Variants in TENM2 observed in about 807,000 individuals in gnomAD.
TENM2 encodes the protein teneurin-2.
A neutral mutation model predicts 245.2 loss-of-function variants in TENM2; 52 were observed. The observed-to-expected ratio is 0.21, with a 90% CI of 0.17 to 0.27. The LOEUF is 0.27. TENM2 is among the 10% of genes least tolerant of loss of function. The probability of loss-of-function intolerance (pLI) is 1.00; values close to 1 mark genes in which losing one functional copy is unlikely to be tolerated. For synonymous variants in TENM2, 1,363 were observed against 1,438.9 expected, an observed-to-expected ratio of 0.95 and a Z score of 1.19; for missense variants, 3,046 against 3,666.8, an observed-to-expected ratio of 0.83 and a Z score of 4.37.
chr5:167,597,987 T>G (rs1776340023), intron 2 of TENM2, among the ~76,000 whole-genome samples: 1 of 152,166 alleles, frequency 6.6e-6, no homozygotes, highest in South Asian at 2.1e-4. Context: ...AATAACAGAA[T>G]ACAACACCAT....
At chr5:167,807,492 T>G (rs1446530019) in intron 2 of TENM2, among the ~76,000 whole-genome samples, 1 of 152,108 alleles carries the variant, frequency 6.6e-6, no homozygotes, top group Admixed American at 6.6e-5. Context: ...AAGACACTAG[T>G]CTATGTTAAC....
intron 2 of TENM2, among the ~76,000 whole-genome samples, chr5:167,716,783 C>T (rs893190412): frequency 1.3e-5 from 2 of 151,384 alleles, no homozygotes; most frequent in South Asian, 2.1e-4. Flanking sequence ...TACAGAAATC[C>T]GAAGGGAAAA....
the TENM2 span, among the ~76,000 whole-genome samples, chr5:166,998,731 A>G: frequency 0.099 from 14,999 of 152,266 alleles, 969 homozygotes; most frequent in Middle Eastern, 0.2. Flanking sequence ...TATTAAATAA[A>G]TAAATACATG....
At chr5:167,688,471 C>T (rs1201725549) in intron 2 of TENM2, among the ~76,000 whole-genome samples, 1 of 152,162 alleles carries the variant, frequency 6.6e-6, no homozygotes, top group Non-Finnish European at 1.5e-5. Flanking sequence ...TCATCATCCT[C>T]AAAACACTAG....
intron 2 of TENM2, among the ~76,000 whole-genome samples, chr5:167,578,993 G>T (rs892517640): frequency 2.0e-5 from 3 of 152,150 alleles, no homozygotes; most frequent in African/African-American, 4.8e-5. Flanking sequence ...GGTGGACACG[G>T]TCACCAACAT....
intron 20 of TENM2, among the ~76,000 whole-genome samples, chr5:168,213,824 AAAAAT>A (rs972562593): frequency 6.2e-4 from 94 of 152,186 alleles, no homozygotes; most frequent in African/African-American, 2.1e-3. Context: ...TGTCTCTGAG[AAAAAT>A]AAAATAAAAT....
At chr5:168,019,568 C>G (rs1281003250) in intron 5 of TENM2, among the ~76,000 whole-genome samples, 1 of 152,150 alleles carries the variant, frequency 6.6e-6, no homozygotes, top group African/African-American at 2.4e-5. Flanking sequence ...CATTGATCAG[C>G]CTTTTGCTCG....
the TENM2 span, among the ~76,000 whole-genome samples, chr5:167,229,817 G>A: frequency 1.2e-4 from 18 of 152,324 alleles, no homozygotes; most frequent in Admixed American, 5.9e-4. Context: ...GAATGCTCAC[G>A]TGTAAGTGAT....
chr5:167,895,664 A>G (rs1583303662), intron 3 of TENM2, among the ~76,000 whole-genome samples: 2 of 152,202 alleles, frequency 1.3e-5, no homozygotes, highest in South Asian at 4.1e-4. Context: ...TTAATTCACT[A>G]TGTCTGAGTT....
At chr5:168,253,660 T>G (rs868577199) in intron 27 of TENM2, among the ~76,000 whole-genome samples, 1 of 151,860 alleles carries the variant, frequency 6.6e-6, no homozygotes, top group Non-Finnish European at 1.5e-5. Context: ...CTCCTGACCT[T>G]GTGATTCGCC....
the TENM2 span, among the ~76,000 whole-genome samples, chr5:167,238,694 C>CA: frequency 0.16 from 8,913 of 56,954 alleles, 912 homozygotes; most frequent in African/African-American, 0.33. Flanking sequence ...ACAGGAGATG[C>CA]AAAAAAAAAA....
intron 2 of TENM2, among the ~76,000 whole-genome samples, chr5:167,423,579 C>T (rs1007682403): frequency 4.6e-5 from 7 of 152,162 alleles, no homozygotes; most frequent in South Asian, 2.1e-4. Context: ...CTTCTTGATA[C>T]GTTATAAAGT....
intron 27 of TENM2, among the ~76,000 whole-genome samples, chr5:168,255,954 C>T (rs970678768): frequency 4.6e-5 from 7 of 151,482 alleles, no homozygotes; most frequent in Admixed American, 6.6e-5. Context: ...TACAGGCAGG[C>T]GCCACCATGC....
At chr5:167,028,909 T>C in the TENM2 span, among the ~76,000 whole-genome samples, 1 of 152,090 alleles carries the variant, frequency 6.6e-6, no homozygotes. Flanking sequence ...TTCGAACTTA[T>C]TAGATGAGGA....
At chr5:166,990,793 C>T in the TENM2 span, among the ~76,000 whole-genome samples, 1 of 152,130 alleles carries the variant, frequency 6.6e-6, no homozygotes, top group Non-Finnish European at 1.5e-5. Flanking sequence ...ATTCTAACAA[C>T]AACACTGTGA....
intron 2 of TENM2, among the ~76,000 whole-genome samples, chr5:167,681,343 G>A (rs1056218126): frequency 3.3e-5 from 5 of 151,932 alleles, no homozygotes; most frequent in African/African-American, 1.2e-4. Flanking sequence ...TTCCATTTTA[G>A]ACATATAGCC....
At chr5:167,873,701 G>C (rs1235672188) in intron 2 of TENM2, among the ~76,000 whole-genome samples, 1 of 152,126 alleles carries the variant, frequency 6.6e-6, no homozygotes, top group East Asian at 1.9e-4. Flanking sequence ...TTGTTAGAAG[G>C]AGACCTGGGA....
At chr5:167,416,504 A>C (rs1763173647) in intron 2 of TENM2, among the ~76,000 whole-genome samples, 1 of 152,176 alleles carries the variant, frequency 6.6e-6, no homozygotes, top group South Asian at 2.1e-4. Context: ...TTTTGCAACT[A>C]TTTGCAAGAT....
At chr5:166,991,523 G>A in the TENM2 span, among the ~76,000 whole-genome samples, 23 of 151,960 alleles carry the variant, frequency 1.5e-4, no homozygotes, top group Admixed American at 7.2e-4. Flanking sequence ...GAGAGAATAC[G>A]TATTATTTTT....
Sources: allele counts gnomAD v4.1 joint callset (sites outside exome capture counted in the v4.1 genomes callset), GRCh38; gene constraint gnomAD v4.1.1; transcripts MANE v1.5; gene names NCBI Gene and HGNC (gene_info 2026-07-23, HGNC 2026-07-21).